Variants in INPP4A observed in about 807,000 individuals in gnomAD.
INPP4A encodes inositol polyphosphate-4-phosphatase type I A.
In INPP4A, 33 loss-of-function variants were observed where a neutral mutation model predicts 119.8. That is an observed-to-expected ratio of 0.28 (90% CI 0.21 to 0.37). INPP4A has a LOEUF of 0.37. Ranked by LOEUF, INPP4A falls within the 10% of genes least tolerant of loss-of-function variation. The pLI is 1.00. For synonymous variants in INPP4A, 496 were observed against 500.7 expected (o/e 0.99, Z 0.12); for missense variants, 956 against 1,289.9 (o/e 0.74, Z 3.97).
chr2:98,576,501 G>A (rs1005894561), intron 23 of INPP4A, among the ~76,000 whole-genome samples: 2 of 152,212 alleles, frequency 1.3e-5, no homozygotes. Flanking sequence ...TGAAAGAGGA[G>A]AGTAGAGATA....
At chr2:98,585,807 T>C (rs181502439) in intron 24 of INPP4A, among the ~76,000 whole-genome samples, 9 of 152,398 alleles carry the variant, frequency 5.9e-5, no homozygotes, top group African/African-American at 9.6e-5. Context: ...AAACTAGGCA[T>C]TAACTCCTTT....
chr2:98,488,027 A>G (rs538711376), intron 1 of INPP4A, among the ~76,000 whole-genome samples: 1 of 152,304 alleles, frequency 6.6e-6, no homozygotes, highest in South Asian at 2.1e-4. Context: ...AACCCAATCC[A>G]TATGATCAAC....
chr2:98,460,879 A>G (rs1458957071), intron 1 of INPP4A, among the ~76,000 whole-genome samples: 2 of 152,164 alleles, frequency 1.3e-5, no homozygotes, highest in African/African-American at 4.8e-5. Flanking sequence ...CCTCTAATCC[A>G]CCTGTGAAAC....
chr2:98,493,521 A>T (rs1179092425), intron 1 of INPP4A, among the ~76,000 whole-genome samples: 15 of 146,518 alleles, frequency 1.0e-4, no homozygotes, highest in African/African-American at 3.8e-4. Flanking sequence ...TCAGCCTCCC[A>T]AGTAGCTGGG....
chr2:98,513,462 C>G (rs981923617), intron 1 of INPP4A, among the ~76,000 whole-genome samples: 38 of 152,124 alleles, frequency 2.5e-4, no homozygotes, highest in African/African-American at 4.3e-4. Flanking sequence ...CATTCATTCA[C>G]TCACTCACTC....
chr2:98,459,531 T>A (rs556579248), intron 1 of INPP4A, among the ~76,000 whole-genome samples: 1 of 152,158 alleles, frequency 6.6e-6, no homozygotes, highest in African/African-American at 2.4e-5. Context: ...GAGAAGTTGC[T>A]CAAGTGTTAG....
chr2:98,487,315 T>A (rs750474492), intron 1 of INPP4A, among the ~76,000 whole-genome samples: 1 of 152,254 alleles, frequency 6.6e-6, no homozygotes, highest in Non-Finnish European at 1.5e-5. Flanking sequence ...CCTAGGCTCC[T>A]TGTGGTTGTG....
chr2:98,464,573 CA>C (rs1402487393), intron 1 of INPP4A, among the ~76,000 whole-genome samples: 1 of 152,196 alleles, frequency 6.6e-6, no homozygotes, highest in African/African-American at 2.4e-5. Flanking sequence ...TCTGCCCTGA[CA>C]GGGGCAGAGT....
At chr2:98,477,622 C>G (rs1259053244) in intron 1 of INPP4A, among the ~76,000 whole-genome samples, 1 of 152,242 alleles carries the variant, frequency 6.6e-6, no homozygotes, top group Non-Finnish European at 1.5e-5. Context: ...CTTGTAGAAA[C>G]TGCTCTCTCT....
At chr2:98,454,134 A>G (rs987616743) in intron 1 of INPP4A, among the ~76,000 whole-genome samples, 1 of 152,160 alleles carries the variant, frequency 6.6e-6, no homozygotes, top group Non-Finnish European at 1.5e-5. Context: ...TGGATGCCAG[A>G]TGGGTCCTTT....
chr2:98,559,373 C>T, intron 16 of INPP4A, 90 bp from the exon 17 acceptor site: 2 of 1,457,164 alleles, frequency 1.4e-6, no homozygotes, highest in South Asian at 2.3e-5. Context: ...CTGCAAGCTG[C>T]TGACGCAGCT....
chr2:98,500,256 G>GT (rs945028320), intron 1 of INPP4A, among the ~76,000 whole-genome samples: 18 of 152,126 alleles, frequency 1.2e-4, no homozygotes, highest in Admixed American at 3.9e-4. Context: ...ATGACATGGG[G>GT]TGTGAGCTGA....
At chr2:98,489,331 C>G (rs1160589424) in intron 1 of INPP4A, among the ~76,000 whole-genome samples, 1 of 151,946 alleles carries the variant, frequency 6.6e-6, no homozygotes. Flanking sequence ...GTCATTAGGG[C>G]CAGGCCAAGA....
chr2:98,489,464 CAG>C (rs1680249817), intron 1 of INPP4A, among the ~76,000 whole-genome samples: 1 of 152,166 alleles, frequency 6.6e-6, no homozygotes, highest in South Asian at 2.1e-4. Context: ...TGTTGGGAAG[CAG>C]AGATTCCCTG....
At chr2:98,552,326 T>C (rs1454749528) in intron 13 of INPP4A, among the ~76,000 whole-genome samples, 3 of 152,072 alleles carry the variant, frequency 2.0e-5, no homozygotes, top group Non-Finnish European at 2.9e-5. Flanking sequence ...AAAAATAGGT[T>C]TTGGTTGTTT....
At chr2:98,586,545 A>G (rs3754874) in intron 24 of INPP4A, among the ~76,000 whole-genome samples, 120,681 of 152,112 alleles carry the variant, frequency 0.79, 48,806 homozygotes, top group African/African-American at 0.94. Context: ...GTTTAAAATC[A>G]CTTTTGCTGG....
chr2:98,549,043 A>G (rs1475624971), intron 13 of INPP4A: 3 of 1,426,266 alleles, frequency 2.1e-6, no homozygotes, highest in Non-Finnish European at 2.9e-6. Flanking sequence ...TGCCATCCCC[A>G]CACCTCCTCC....
At chr2:98,532,708 C>T (rs1164086549) in intron 4 of INPP4A, among the ~76,000 whole-genome samples, 1 of 149,500 alleles carries the variant, frequency 6.7e-6, no homozygotes, top group Non-Finnish European at 1.5e-5. Flanking sequence ...TGTGTCTAAA[C>T]ATAGAAAAGG....
chr2:98,466,571 G>C (rs1464304650), intron 1 of INPP4A, among the ~76,000 whole-genome samples: 1 of 152,230 alleles, frequency 6.6e-6, no homozygotes, highest in Non-Finnish European at 1.5e-5. Context: ...ACCCGTGAGA[G>C]AATTGCGGCT....
Sources: allele counts gnomAD v4.1 joint callset (sites outside exome capture counted in the v4.1 genomes callset), GRCh38; gene constraint gnomAD v4.1.1; transcripts MANE v1.5; gene names NCBI Gene and HGNC (gene_info 2026-07-23, HGNC 2026-07-21).